The following SEC11C variants were observed in gnomAD, a reference collection of about 807,000 sequenced individuals.
The protein encoded by SEC11C is SEC11 homolog C, signal peptidase complex subunit.
A neutral mutation model predicts 21.9 loss-of-function variants in SEC11C; 10 were observed. That is an observed-to-expected ratio of 0.46 (90% CI 0.28 to 0.77). The LOEUF (loss-of-function observed/expected upper bound fraction) is 0.77. Ranked by LOEUF, SEC11C falls within the 30% of genes least tolerant of loss-of-function variation. The pLI, the probability that SEC11C is intolerant of heterozygous loss-of-function variation, is 0.12. For missense variants in SEC11C, 145 were observed against 244.5 expected (o/e 0.59, Z 2.71); for synonymous variants, 83 against 85.6 (o/e 0.97, Z 0.17).
chr18:59,152,391 T>C lies in SEC11C; in HGVS notation c.198-145T>C, dbSNP rs892978096. ...ATTTCCTTTCGCACATGTTACCACC[T>C]TGAGCAGTTAAGAAGGAAGCCACAT... On this transcript the variant is annotated intron_variant, in intron 2 of 5. Transcript: ENST00000587834. The C allele has an allele frequency of 1.2e-5, 9 of 740,762 alleles. No homozygotes were observed. The African/African-American group carries it at 1.4e-4, about 12-fold the overall frequency. 45.9% of individuals were successfully genotyped at this position (740,762 alleles called of 1,614,324 possible).
chr18:59,153,471 T>C (rs1482822883), intron 3 of SEC11C: 1 of 145,292 alleles, frequency 6.9e-6, no homozygotes, highest in East Asian at 1.9e-4. Context: ...CATTTCTCAC[T>C]GTGTATGTGT....
intron 4 of SEC11C, 64 bp from the exon 5 acceptor site, chr18:59,157,544 A>G (rs1413797971): frequency 2.8e-6 from 3 of 1,061,738 alleles, no homozygotes; most frequent in Non-Finnish European, 4.4e-6. Context: ...TAGTGTTTTC[A>G]GATGTTGCCA....
At chr18:59,155,084 TAAAC>T (rs1246121572) in intron 3 of SEC11C, among the ~76,000 whole-genome samples, 1 of 151,860 alleles carries the variant, frequency 6.6e-6, no homozygotes, top group African/African-American at 2.4e-5. Flanking sequence ...AACAAATAAA[TAAAC>T]AAAAAACCAA....
chr18:59,158,743 C>T lies in SEC11C; in HGVS notation c.*58C>T. The T allele has an allele frequency of 3.6e-6, 5 of 1,391,620 alleles. No homozygotes were observed. Among genetic ancestry groups the T allele is most frequent in the Middle Eastern group, 1.8e-4 (1 of 5,644 alleles). 86.2% of individuals were successfully genotyped at this position (1,391,620 alleles called of 1,614,324 possible). On this transcript the variant is annotated 3_prime_UTR_variant, in exon 6 of 6. Coordinates refer to ENST00000587834, the MANE Select transcript of SEC11C (RefSeq NM_033280.4). ...TGAATTCTGTTGAAAAAGAGAAAAACTAATATATTTGAGATGTTCCATTTT... is the reference window on the plus strand; with the variant it reads ...TGAATTCTGTTGAAAAAGAGAAAAATTAATATATTTGAGATGTTCCATTTT...
chr18:59,145,518 G>C (rs2069263883), intron 1 of SEC11C, among the ~76,000 whole-genome samples: 1 of 152,196 alleles, frequency 6.6e-6, no homozygotes, highest in South Asian at 2.1e-4. Context: ...ATGTGAGGTG[G>C]AAGCATGGAC....
intron 2 of SEC11C, among the ~76,000 whole-genome samples, chr18:59,150,336 G>A (rs1333256841): frequency 6.6e-6 from 1 of 152,210 alleles, no homozygotes; most frequent in Non-Finnish European, 1.5e-5. Context: ...CAGTGCAGGA[G>A]TTGAGGCTAG....
At chr18:59,142,054 G>A (rs1016919635) in intron 1 of SEC11C, among the ~76,000 whole-genome samples, 1 of 152,084 alleles carries the variant, frequency 6.6e-6, no homozygotes, top group African/African-American at 2.4e-5. Context: ...AAACATGGTG[G>A]TGGTTTTTTT....
intron 1 of SEC11C, chr18:59,147,932 A>T (rs2069296506): frequency 6.6e-6 from 1 of 152,312 alleles, no homozygotes; most frequent in Admixed American, 6.5e-5. Flanking sequence ...AGGACCTCAG[A>T]TGTACACAGA....
intron 1 of SEC11C, among the ~76,000 whole-genome samples, chr18:59,143,028 G>A (rs1378317103): frequency 6.6e-6 from 1 of 151,950 alleles, no homozygotes; most frequent in Non-Finnish European, 1.5e-5. Flanking sequence ...TTCATAATTT[G>A]CTATTGACAC....
chr18:59,152,825 A>G, intron 3 of SEC11C, 140 bp downstream of exon 3: 1 of 641,514 alleles, frequency 1.6e-6, no homozygotes, highest in South Asian at 2.4e-5. Context: ...CAAATGCTTA[A>G]CTCTTTCTGT....
chr18:59,142,602 A>G (rs1028511886), intron 1 of SEC11C, among the ~76,000 whole-genome samples: 5 of 152,202 alleles, frequency 3.3e-5, no homozygotes, highest in African/African-American at 1.2e-4. Context: ...ATTTTACTTT[A>G]GAAGCAGTGT....
intron 1 of SEC11C, among the ~76,000 whole-genome samples, chr18:59,141,195 G>A (rs1202434593): frequency 2.0e-5 from 3 of 152,124 alleles, no homozygotes; most frequent in African/African-American, 7.2e-5. Flanking sequence ...GACTAGTGCA[G>A]TAGTGTGGGA....
At chr18:59,152,510 G>A in intron 2 of SEC11C, 26 bp from the exon 3 acceptor site, 1 of 1,583,632 alleles carries the variant, frequency 6.3e-7, no homozygotes, top group Non-Finnish European at 8.6e-7. Context: ...GGGTAATGCT[G>A]ATACTGACTT....
In SEC11C at chr18:59,155,923, T is replaced by A. The variant is rs1002806651; in HGVS notation, c.467+116T>A. The A allele has an allele frequency of 1.4e-5, 17 of 1,240,152 alleles. No homozygotes were observed. In the Admixed American group the frequency reaches 3.9e-4, roughly 29 times the overall value. 76.8% of individuals were successfully genotyped at this position (1,240,152 alleles called of 1,614,324 possible). On this transcript the variant is annotated intron_variant, in intron 4 of 5. Coordinates refer to ENST00000587834, the MANE Select transcript of SEC11C (RefSeq NM_033280.4). ...CAAATATGACATATCAGGAGAGTTT[T>A]AAGCAGTTCTAGTTTATCCTGTGAA...
chr18:59,149,521 C>T lies in SEC11C; in HGVS notation c.96C>T (p.Tyr32=). 4 of 1,604,212 alleles carry T rather than the reference C, an allele frequency of 2.5e-6. No individual in the cohort carries two copies. Among genetic ancestry groups the T allele is most frequent in the Non-Finnish European group, 2.6e-6 (3 of 1,171,762 alleles). ...CCTCTTTTTCATTCCAGCTCTATTA[C>T]CAGGTTTTAAACTTCGCCATGATCG... ...LKKMNKRQLY[Y]QVLNFAMIVS... is the part of the protein sequence containing the mutation. Residue 32 remains tyrosine (Y), a synonymous_variant, in exon 2 of 6, where the codon TAC becomes TAT. Transcript: ENST00000587834.
At chr18:59,147,294 G>A (rs2069287895) in intron 1 of SEC11C, 1 of 152,188 alleles carries the variant, frequency 6.6e-6, no homozygotes, top group African/African-American at 2.4e-5. Flanking sequence ...AATTTGGATA[G>A]TTGAGGAAAA....
In SEC11C at chr18:59,148,222, A is replaced by T. The variant is rs527943620; in HGVS notation, c.88-1291A>T. Among the ~76,000 whole-genome samples, 25 of 152,276 alleles carry T rather than the reference A, an allele frequency of 1.6e-4. No individual in the cohort carries two copies. In the East Asian group the frequency reaches 4.6e-3, roughly 28 times the overall value. ...GGATTGTGAAGAGGAAGATTGAGGC[A>T]GGTACCAAAGTAAGGAGCCTCCCTG... On this transcript the variant is annotated intron_variant, in intron 1 of 5. Transcript: ENST00000587834.
intron 1 of SEC11C, among the ~76,000 whole-genome samples, chr18:59,143,935 T>C (rs1057401381): frequency 6.6e-6 from 1 of 151,464 alleles, no homozygotes; most frequent in African/African-American, 2.4e-5. Flanking sequence ...CATTGCAACC[T>C]CCGCCTCCCG....
rs1384529822 is a variant in SEC11C at position 59,139,888 on chromosome 18, G to T, written c.-61G>T. ...GGCCGGTGGGCGGGGGCCGGCAGGT[G>T]CTCCGCAGCCGTCTGTGCCACCCAG... On this transcript the variant is annotated 5_prime_UTR_variant, in exon 1 of 6. Transcript: ENST00000587834. 2.3e-6 allele frequency: 3 copies of T among 1,292,954 alleles called. No individual in the cohort carries two copies. Among genetic ancestry groups the T allele is most frequent in the East Asian group, 3.0e-5 (1 of 32,992 alleles). 80.1% of individuals were successfully genotyped at this position (1,292,954 alleles called of 1,614,324 possible).
Sources: gnomAD v4.1 joint callset for allele counts (sites outside exome capture counted in the v4.1 genomes callset) on GRCh38, gnomAD v4.1.1 for gene constraint, MANE v1.5 for transcripts, NCBI Gene and HGNC (gene_info 2026-07-23, HGNC 2026-07-21) for gene names.